PDE5A: variants seen among roughly 807,000 people sequenced by gnomAD.
The protein encoded by PDE5A is phosphodiesterase 5A.
Under a neutral mutation model 110.2 loss-of-function variants are expected in PDE5A, and 67 were observed. The ratio of observed to expected loss-of-function variants is 0.61; its 90% CI spans 0.50 to 0.75. The LOEUF (loss-of-function observed/expected upper bound fraction) is 0.75, where lower values mean the gene tolerates loss of function less well. Ranked by LOEUF, PDE5A falls within the 30% of genes least tolerant of loss-of-function variation. The probability of loss-of-function intolerance (pLI) is 0.00; values close to 1 mark genes in which losing one functional copy is unlikely to be tolerated. For missense variants in PDE5A, 862 were observed against 1,045.1 expected (o/e 0.82, Z 2.42); for synonymous variants, 328 against 351.2 (o/e 0.93, Z 0.74).
intron 3 of PDE5A, among the ~76,000 whole-genome samples, chr4:119,584,266 G>A (rs1356172213): frequency 6.6e-6 from 1 of 152,156 alleles, no homozygotes; most frequent in African/African-American, 2.4e-5. Context: ...GAGATTTCAG[G>A]GGAGAAGAGA....
intron 9 of PDE5A, among the ~76,000 whole-genome samples, chr4:119,544,447 A>T (rs1488104930): frequency 6.6e-6 from 1 of 152,188 alleles, no homozygotes; most frequent in Non-Finnish European, 1.5e-5. Flanking sequence ...GTGGCAAAAA[A>T]CAAGAACAAA....
intron 11 of PDE5A, among the ~76,000 whole-genome samples, chr4:119,529,156 T>A (rs1449014518): frequency 1.3e-5 from 2 of 152,066 alleles, no homozygotes. Context: ...TATGTATTTG[T>A]CATCTGTTTT....
rs3733523 is a variant in PDE5A at position 119,502,564 on chromosome 4, C to G, written c.2406+17G>C. 3.4e-6 allele frequency: 5 copies of G among 1,450,516 alleles called. No individual in the cohort carries two copies. The allele number at this position is 1,450,516 out of a possible 1,614,324, so 89.9% of individuals were successfully genotyped here. A position where few individuals can be genotyped will look rare whatever the true frequency, so the allele number is the denominator to read the frequency against. On this transcript the variant is annotated intron_variant, in intron 19 of 20. Coordinates refer to ENST00000354960, the MANE Select transcript of PDE5A (RefSeq NM_001083.4). ...AAACAATTTGAATAATTCCTACCAA[C>G]AAGGTTTCATACTTACAGTGGGTTC...
intron 11 of PDE5A, among the ~76,000 whole-genome samples, chr4:119,529,863 G>A (rs3775850): frequency 0.14 from 21,870 of 152,092 alleles, 1,749 homozygotes; most frequent in Middle Eastern, 0.2. Context: ...TGAAGGCAGA[G>A]GGGATCCGTT....
intron 1 of PDE5A, among the ~76,000 whole-genome samples, chr4:119,619,335 A>T (rs1730061506): frequency 6.6e-6 from 1 of 152,194 alleles, no homozygotes; most frequent in East Asian, 1.9e-4. Flanking sequence ...GGTGAGAAAA[A>T]AGAACTCTTA....
At chr4:119,520,623 C>G (rs1386417610) in intron 13 of PDE5A, among the ~76,000 whole-genome samples, 1 of 151,978 alleles carries the variant, frequency 6.6e-6, no homozygotes, top group Non-Finnish European at 1.5e-5. Flanking sequence ...CTTTTTCTTA[C>G]TTTTTCTTAA....
chr4:119,623,261 A>G (rs972151268), intron 1 of PDE5A, among the ~76,000 whole-genome samples: 1 of 152,220 alleles, frequency 6.6e-6, no homozygotes, highest in Non-Finnish European at 1.5e-5. Context: ...ATGCAGCTAA[A>G]CTAATTTCAT....
rs373656084 is a variant in PDE5A, at chr4:119,588,281, C to T, written c.831+8242G>A. ...CCTCTGTCTCCCAGCCAGGTTCAAG[C>T]GACTCTCCTGTGTGAGCCTCCCGAG... On this transcript the variant is annotated intron_variant, in intron 3 of 20. Transcript: ENST00000354960. Among the ~76,000 whole-genome samples, 272 of 150,950 alleles carry T rather than the reference C, an allele frequency of 1.8e-3. 1 individual carries two copies. Among genetic ancestry groups the T allele is most frequent in the Admixed American group, 3.4e-3 (52 of 15,156 alleles).
chr4:119,581,251 G>A (rs1192048850), intron 3 of PDE5A, among the ~76,000 whole-genome samples: 1 of 152,188 alleles, frequency 6.6e-6, no homozygotes, highest in Non-Finnish European at 1.5e-5. Context: ...TAAATAGGCT[G>A]AATAGAATTT....
chr4:119,604,770 C>T (rs937235280), intron 2 of PDE5A, among the ~76,000 whole-genome samples: 5 of 152,170 alleles, frequency 3.3e-5, no homozygotes, highest in Non-Finnish European at 7.3e-5. Flanking sequence ...TCTTCAACTC[C>T]TCTTTTCCCT....
chr4:119,611,824 G>C (rs1283939429), intron 1 of PDE5A, among the ~76,000 whole-genome samples: 1 of 152,118 alleles, frequency 6.6e-6, no homozygotes, highest in African/African-American at 2.4e-5. Flanking sequence ...TACTTGCAGA[G>C]GAAAACATGT....
intron 3 of PDE5A, among the ~76,000 whole-genome samples, chr4:119,589,667 G>C (rs1374713950): frequency 6.6e-6 from 1 of 151,990 alleles, no homozygotes; most frequent in African/African-American, 2.4e-5. Context: ...CTCTGGAGCA[G>C]ATTGGCTCAG....
At chr4:119,544,139 C>T (rs974795849) in intron 9 of PDE5A, among the ~76,000 whole-genome samples, 1 of 152,116 alleles carries the variant, frequency 6.6e-6, no homozygotes, top group Non-Finnish European at 1.5e-5. Flanking sequence ...TTCATAGAGT[C>T]TGGAAGACGG....
intron 15 of PDE5A, among the ~76,000 whole-genome samples, chr4:119,509,376 G>C (rs1725664017): frequency 6.6e-6 from 1 of 152,038 alleles, no homozygotes; most frequent in African/African-American, 2.4e-5. Context: ...ATTGATTGTT[G>C]AGACAGTAAC....
chr4:119,502,117 G>C (rs1725367004), intron 19 of PDE5A, among the ~76,000 whole-genome samples: 10 of 152,016 alleles, frequency 6.6e-5, no homozygotes, highest in Admixed American at 5.9e-4. Context: ...TCCTTTCTCT[G>C]TCAGCCACAG....
chr4:119,516,305 G>A (rs1192363737), intron 14 of PDE5A, among the ~76,000 whole-genome samples: 1 of 152,214 alleles, frequency 6.6e-6, no homozygotes, highest in African/African-American at 2.4e-5. Context: ...TTAATGGCAA[G>A]AATCACATTT....
At chr4:119,545,844 C>G (rs1727114249) in intron 9 of PDE5A, among the ~76,000 whole-genome samples, 1 of 152,148 alleles carries the variant, frequency 6.6e-6, no homozygotes, top group African/African-American at 2.4e-5. Context: ...AATTAGCATC[C>G]TGCCTTATTA....
chr4:119,495,062 G>A lies in PDE5A; in HGVS notation c.*3539C>T, dbSNP rs760444035. 3.9e-5 allele frequency: 6 copies of A among 152,442 alleles called. No homozygotes were observed. Among genetic ancestry groups the A allele is most frequent in the Non-Finnish European group, 7.4e-5 (5 of 68,012 alleles). 9.4% of individuals were successfully genotyped at this position (152,442 alleles called of 1,614,324 possible). A position where few individuals can be genotyped will look rare whatever the true frequency, so the allele number is the denominator to read the frequency against. ...TTCTTCAACTATCAGCAGGTTAAGT[G>A]ATTCATACTTGCAAAAAGACAGGAT... On this transcript the variant is annotated 3_prime_UTR_variant, in exon 21 of 21. Coordinates refer to ENST00000354960, the MANE Select transcript of PDE5A (RefSeq NM_001083.4).
At chr4:119,565,488 A>G (rs1229648278) in intron 4 of PDE5A, 78 bp from the exon 5 acceptor site, 1 of 929,954 alleles carries the variant, frequency 1.1e-6, no homozygotes, top group South Asian at 1.4e-5. Context: ...AGATCCTCAA[A>G]TATTTACAGT....
Sources: gnomAD v4.1 joint callset for allele counts (sites outside exome capture counted in the v4.1 genomes callset) on GRCh38, gnomAD v4.1.1 for gene constraint, MANE v1.5 for transcripts, NCBI Gene and HGNC (gene_info 2026-07-23, HGNC 2026-07-21) for gene names.